The following SYNDIG1L variants were observed in gnomAD, a reference collection of about 807,000 sequenced individuals.
The protein encoded by SYNDIG1L is synapse differentiation inducing 1 like, also known as synapse differentiation-inducing gene protein 1-like.
Under a neutral mutation model 20.1 loss-of-function variants are expected in SYNDIG1L, and 13 were observed. The observed-to-expected ratio is 0.65, with a 90% CI of 0.42 to 1.03. The LOEUF (loss-of-function observed/expected upper bound fraction) is 1.03. Ranked by LOEUF, SYNDIG1L falls within the 50% of genes least tolerant of loss-of-function variation. The probability of loss-of-function intolerance (pLI) is 0.00; values close to 1 mark genes in which losing one functional copy is unlikely to be tolerated. For synonymous variants in SYNDIG1L, 128 were observed against 129.3 expected (o/e 0.99, Z 0.07); for missense variants, 294 against 305.1 (o/e 0.96, Z 0.27).
the SYNDIG1L span, among the ~76,000 whole-genome samples, chr14:74,463,272 G>T: frequency 6.6e-6 from 1 of 152,158 alleles, no homozygotes; most frequent in Admixed American, 6.5e-5. Context: ...GCCCTCACAG[G>T]CTCCTGGAGT....
chr14:74,408,123 G>A (rs1395962929), intron 2 of SYNDIG1L, 134 bp from the exon 3 acceptor site: 2 of 1,118,824 alleles, frequency 1.8e-6, no homozygotes, highest in African/African-American at 1.6e-5. Flanking sequence ...GCCGCAGGTG[G>A]GGATGTAGGC....
the SYNDIG1L span, chr14:74,476,615 C>G: frequency 6.6e-7 from 1 of 1,513,650 alleles, no homozygotes; most frequent in East Asian, 2.5e-5. Context: ...GAAGAGGTCA[C>G]TGTTCTTCTG....
chr14:74,422,697 C>T (rs1465637170), intron 1 of SYNDIG1L, among the ~76,000 whole-genome samples: 13 of 99,960 alleles, frequency 1.3e-4, no homozygotes, highest in East Asian at 5.0e-4. Context: ...TCTTTTTTTT[C>T]TTTCTTTCTT....
the SYNDIG1L span, among the ~76,000 whole-genome samples, chr14:74,431,839 C>T: frequency 6.6e-6 from 1 of 152,216 alleles, no homozygotes; most frequent in Non-Finnish European, 1.5e-5. Flanking sequence ...GGAACTTGGA[C>T]TTGCTGAACT....
At chr14:74,449,602 C>T in the SYNDIG1L span, among the ~76,000 whole-genome samples, 1 of 141,744 alleles carries the variant, frequency 7.1e-6, no homozygotes, top group Non-Finnish European at 1.5e-5. Context: ...CAGAGCAAGA[C>T]TGTGCCTTAA....
the SYNDIG1L span, among the ~76,000 whole-genome samples, chr14:74,465,102 G>A: frequency 6.1e-3 from 935 of 152,274 alleles, 10 homozygotes; most frequent in African/African-American, 0.019. Context: ...AGGCATGGCC[G>A]ACCCTGGCCC....
At chr14:74,407,756 G>A in intron 3 of SYNDIG1L, 63 bp from the exon 4 acceptor site, 1 of 1,574,674 alleles carries the variant, frequency 6.4e-7, no homozygotes, top group Non-Finnish European at 8.6e-7. Context: ...AGCCCAGCCT[G>A]CCAGGCCCCT....
chr14:74,467,953 C>T, the SYNDIG1L span, among the ~76,000 whole-genome samples: 1 of 151,474 alleles, frequency 6.6e-6, no homozygotes, highest in Non-Finnish European at 1.5e-5. Flanking sequence ...TCCCAAGGTC[C>T]GGGGGGATCT....
intron 1 of SYNDIG1L, among the ~76,000 whole-genome samples, chr14:74,411,461 G>T (rs1438082528): frequency 1.3e-5 from 2 of 152,250 alleles, no homozygotes; most frequent in East Asian, 3.9e-4. Flanking sequence ...TGCTCCCAGG[G>T]CTGCGATTAT....
the SYNDIG1L span, among the ~76,000 whole-genome samples, chr14:74,462,725 C>T: frequency 1.3e-5 from 2 of 152,054 alleles, no homozygotes; most frequent in East Asian, 3.9e-4. Flanking sequence ...AGGCTGGTCT[C>T]GAACTCCTGA....
At chr14:74,455,978 T>G in the SYNDIG1L span, among the ~76,000 whole-genome samples, 1 of 152,196 alleles carries the variant, frequency 6.6e-6, no homozygotes, top group African/African-American at 2.4e-5. Context: ...TGAAATAACT[T>G]GCCTAAGGTT....
chr14:74,420,001 C>T (rs2086208758), intron 1 of SYNDIG1L, among the ~76,000 whole-genome samples: 1 of 151,950 alleles, frequency 6.6e-6, no homozygotes, highest in Admixed American at 6.5e-5. Flanking sequence ...ATGGTCATGC[C>T]TATGTTTTAG....
chr14:74,441,052 G>T, the SYNDIG1L span, among the ~76,000 whole-genome samples: 1 of 152,166 alleles, frequency 6.6e-6, no homozygotes, highest in Non-Finnish European at 1.5e-5. Flanking sequence ...CAGTTAATGG[G>T]TTTAGTACCA....
chr14:74,445,141 G>A, the SYNDIG1L span, among the ~76,000 whole-genome samples: 1 of 152,080 alleles, frequency 6.6e-6, no homozygotes, highest in East Asian at 1.9e-4. Context: ...TTGTTTTAAA[G>A]GGCCTGGCAT....
chr14:74,438,021 A>G, the SYNDIG1L span, among the ~76,000 whole-genome samples: 2 of 152,224 alleles, frequency 1.3e-5, no homozygotes, highest in African/African-American at 4.8e-5. Flanking sequence ...TCAGACTATT[A>G]TCTGAAACTC....
chr14:74,460,161 C>A, the SYNDIG1L span, among the ~76,000 whole-genome samples: 5 of 152,242 alleles, frequency 3.3e-5, no homozygotes. Context: ...AAGCAGATGG[C>A]AGACTCCGGA....
the SYNDIG1L span, among the ~76,000 whole-genome samples, chr14:74,477,229 A>G: frequency 1.3e-5 from 2 of 152,016 alleles, no homozygotes; most frequent in Non-Finnish European, 2.9e-5. Flanking sequence ...TGGGAAAAAC[A>G]CTTGTTTAAC....
chr14:74,443,240 A>G, the SYNDIG1L span, among the ~76,000 whole-genome samples: 1 of 152,254 alleles, frequency 6.6e-6, no homozygotes, highest in African/African-American at 2.4e-5. Context: ...AACCAAGCCA[A>G]GAAACCCTGT....
At chr14:74,414,203 T>A (rs1030254744) in intron 1 of SYNDIG1L, among the ~76,000 whole-genome samples, 3 of 152,116 alleles carry the variant, frequency 2.0e-5, no homozygotes, top group African/African-American at 7.2e-5. Flanking sequence ...TACGGGTGAG[T>A]GTGCCCACAC....
Sources: allele counts gnomAD v4.1 joint callset (sites outside exome capture counted in the v4.1 genomes callset), GRCh38; gene constraint gnomAD v4.1.1; transcripts MANE v1.5; gene names NCBI Gene and HGNC (gene_info 2026-07-23, HGNC 2026-07-21).